The following CDC42BPA variants were observed in gnomAD, a reference collection of about 807,000 sequenced individuals.
CDC42BPA encodes the protein CDC42 binding protein kinase alpha, also known as serine/threonine-protein kinase MRCK alpha.
Under a neutral mutation model 223.5 loss-of-function variants are expected in CDC42BPA, and 80 were observed. That is an observed-to-expected ratio of 0.36 (90% confidence interval 0.30 to 0.43). The LOEUF (loss-of-function observed/expected upper bound fraction) is 0.43. CDC42BPA is among the 20% of genes least tolerant of loss of function. The pLI is 1.00. For missense variants in CDC42BPA, 1,743 were observed against 2,099.9 expected (o/e 0.83, Z 3.32); for synonymous variants, 694 against 718.6 (o/e 0.97, Z 0.55).
intron 2 of CDC42BPA, among the ~76,000 whole-genome samples, chr1:227,222,407 G>A (rs1380248907): frequency 1.3e-5 from 2 of 152,048 alleles, no homozygotes; most frequent in Non-Finnish European, 1.5e-5. Context: ...GCTGAGGCAT[G>A]AGGAAGGCTT....
intron 5 of CDC42BPA, among the ~76,000 whole-genome samples, chr1:227,173,213 G>A (rs190809690): frequency 4.6e-5 from 7 of 152,230 alleles, no homozygotes; most frequent in Admixed American, 3.3e-4. Flanking sequence ...CATTCAAACC[G>A]ATACTATTGC....
At chr1:227,020,670 TA>T (rs1273962843) in intron 32 of CDC42BPA, among the ~76,000 whole-genome samples, 1 of 152,214 alleles carries the variant, frequency 6.6e-6, no homozygotes, top group Non-Finnish European at 1.5e-5. Flanking sequence ...TCCAGATCAC[TA>T]AAACTTTCTT....
intron 24 of CDC42BPA, among the ~76,000 whole-genome samples, chr1:227,038,500 G>C (rs74491441): frequency 0.054 from 8,207 of 152,226 alleles, 252 homozygotes; most frequent in Non-Finnish European, 0.072. Flanking sequence ...AATTTGCCAG[G>C]GAAAAAATTA....
chr1:227,033,467 G>T, intron 26 of CDC42BPA, 52 bp from the exon 27 acceptor site: 1 of 1,215,450 alleles, frequency 8.2e-7, no homozygotes, highest in Non-Finnish European at 1.2e-6. Flanking sequence ...ATGTGTGTGT[G>T]GTTTGGGGTG....
At chr1:227,055,767 A>G (rs1271754915) in intron 21 of CDC42BPA, among the ~76,000 whole-genome samples, 1 of 152,146 alleles carries the variant, frequency 6.6e-6, no homozygotes, top group Non-Finnish European at 1.5e-5. Context: ...AATATCTTTA[A>G]GTAAATGCAA....
intron 15 of CDC42BPA, among the ~76,000 whole-genome samples, chr1:227,097,752 G>C (rs998092826): frequency 6.6e-6 from 1 of 152,196 alleles, no homozygotes; most frequent in African/African-American, 2.4e-5. Context: ...AGGGAAGAAT[G>C]CCTCAAATGA....
intron 2 of CDC42BPA, among the ~76,000 whole-genome samples, chr1:227,227,438 T>A (rs571113273): frequency 1.2e-4 from 18 of 152,316 alleles, no homozygotes; most frequent in African/African-American, 4.1e-4. Context: ...AAGTTGAGAC[T>A]AACATTCATA....
At chr1:227,162,868 A>ATATGTGTGTGTGTGTGTGTG (rs1553371209) in intron 5 of CDC42BPA, among the ~76,000 whole-genome samples, 11 of 149,462 alleles carry the variant, frequency 7.4e-5, no homozygotes, top group African/African-American at 2.2e-4. Context: ...ATAAATATAT[A>ATATGTGTGTGTGTGTGTGTG]TGTGTGTGTG....
chr1:227,132,856 G>A (rs1181378607), intron 10 of CDC42BPA, among the ~76,000 whole-genome samples: 2 of 146,902 alleles, frequency 1.4e-5, no homozygotes, highest in African/African-American at 2.5e-5. Context: ...GTCTCTGCCC[G>A]GCCGCCCCGT....
At chr1:227,012,754 A>G (rs913898393) in intron 34 of CDC42BPA, among the ~76,000 whole-genome samples, 1 of 152,136 alleles carries the variant, frequency 6.6e-6, no homozygotes, top group African/African-American at 2.4e-5. Context: ...TTCCATTTCA[A>G]TGGAAAGAAC....
At chr1:227,071,747 C>T (rs1235219482) in intron 20 of CDC42BPA, among the ~76,000 whole-genome samples, 2 of 119,150 alleles carry the variant, frequency 1.7e-5, no homozygotes, top group Non-Finnish European at 3.3e-5. Context: ...ACATTCTAGG[C>T]ACATAAAAAG....
chr1:227,174,526 T>C (rs1666635545), intron 5 of CDC42BPA, among the ~76,000 whole-genome samples: 1 of 152,146 alleles, frequency 6.6e-6, no homozygotes, highest in African/African-American at 2.4e-5. Flanking sequence ...ATGAATTATG[T>C]GGTATTTCCC....
Position 227,011,813 on chromosome 1 carries a change from GC to G in CDC42BPA, c.4857+4266del, listed in dbSNP as rs200031133. Among the ~76,000 whole-genome samples, 600 of 152,266 alleles carry G rather than the reference GC, an allele frequency of 3.9e-3. 16 individuals are homozygous for G. The highest frequency in any genetic ancestry group is 0.027 in the Admixed American group (418 of 15,282). Reference sequence around the variant, plus strand: ...ATTACGCAGGAACTATCACTCAGTAGCCAGTCACCTTCTCTAATGGGAATTT... The same window carrying G: ...ATTACGCAGGAACTATCACTCAGTAGCAGTCACCTTCTCTAATGGGAATTT... On this transcript the variant is annotated intron_variant, in intron 34 of 36. Transcript: ENST00000366766.
At chr1:227,195,498 AT>A (rs35939803) in intron 4 of CDC42BPA, among the ~76,000 whole-genome samples, 103,710 of 151,900 alleles carry the variant, frequency 0.68, 35,625 homozygotes, top group South Asian at 0.73. Context: ...AACTGACCCT[AT>A]CCTGACAATT....
chr1:227,292,030 T>G (rs1312756646), intron 1 of CDC42BPA, among the ~76,000 whole-genome samples: 1 of 152,122 alleles, frequency 6.6e-6, no homozygotes, highest in Non-Finnish European at 1.5e-5. Flanking sequence ...TTGCCCAGGC[T>G]GGAGTGCAGT....
chr1:227,101,818 A>C, intron 14 of CDC42BPA, among the ~76,000 whole-genome samples: 1 of 152,170 alleles, frequency 6.6e-6, no homozygotes, highest in Admixed American at 6.6e-5. Context: ...GGTATGATTA[A>C]GAAGGAGAAG....
At chr1:227,147,304 TTTA>T (rs1660876666) in intron 7 of CDC42BPA, 52 bp downstream of exon 7, 2 of 1,281,824 alleles carry the variant, frequency 1.6e-6, no homozygotes, top group Non-Finnish European at 1.1e-6. Context: ...TAAAAATGGT[TTTA>T]TTATATGTGT....
In CDC42BPA at chr1:227,294,934, A is replaced by AAAAAAGC. The variant is rs1188358829; in HGVS notation, c.178+22064_178+22070dup. Among the ~76,000 whole-genome samples the AAAAAAGC allele has an allele frequency of 2.6e-5, 4 of 151,488 alleles. No homozygotes were observed. The East Asian group carries it at 5.8e-4, about 22-fold the overall frequency. On this transcript the variant is annotated intron_variant, in intron 1 of 36. Transcript: ENST00000366766. Reference sequence around the variant, plus strand: ...ATCACTTTATCACATTAAGTGAAAAAAAAAAGCAAGGTATAAAAATACCAG... The same window carrying AAAAAAGC: ...ATCACTTTATCACATTAAGTGAAAAAAAAAAGCAAAAAGCAAGGTATAAAAATACCAG...
chr1:227,139,212 G>C (rs1461662514), intron 10 of CDC42BPA, among the ~76,000 whole-genome samples: 1 of 152,158 alleles, frequency 6.6e-6, no homozygotes. Flanking sequence ...CAATGCTGCA[G>C]AGAATGACAG....
Sources: gnomAD v4.1 joint callset for allele counts (sites outside exome capture counted in the v4.1 genomes callset) on GRCh38, gnomAD v4.1.1 for gene constraint, MANE v1.5 for transcripts, NCBI Gene and HGNC (gene_info 2026-07-23, HGNC 2026-07-21) for gene names.